Variants in ASTN2 observed in about 807,000 individuals in gnomAD.
The protein encoded by ASTN2 is astrotactin 2.
In ASTN2, 54 loss-of-function variants were observed where a neutral mutation model predicts 139.8. The ratio of observed to expected loss-of-function variants is 0.39; its 90% confidence interval spans 0.31 to 0.48. The LOEUF (loss-of-function observed/expected upper bound fraction) is 0.48. Ranked by LOEUF, ASTN2 falls within the 20% of genes least tolerant of loss-of-function variation. The probability of loss-of-function intolerance (pLI) is 0.95; values close to 1 mark genes in which losing one functional copy is unlikely to be tolerated. For synonymous variants in ASTN2, 756 were observed against 719.5 expected, an observed-to-expected ratio of 1.05 and a Z score of -0.81; for missense variants, 1,565 against 1,725.1, an observed-to-expected ratio of 0.91 and a Z score of 1.64.
Position 116,699,268 on chromosome 9 carries a change from G to C in ASTN2, c.2806+26503C>G, listed in dbSNP as rs1431275077. The C allele has an allele frequency of 6.2e-7, 1 of 1,614,212 alleles. No homozygotes were observed. The highest frequency in any genetic ancestry group is 8.5e-7 in the Non-Finnish European group (1 of 1,180,052). On this transcript the variant is annotated intron_variant, in intron 16 of 22. Transcript: ENST00000313400. This position sits in a 1 kb window ranked among gnomAD's most constrained non-coding sequence, Gnocchi z 4.2. The stretch of plus-strand genomic sequence containing the variant: ...GGATCAGGGGTGGTCAAATACAGCT[G>C]CCTATGTAGTGCTGTGCGGCCCAAA...
chr9:116,443,105 A>T (rs914524124), intron 20 of ASTN2, among the ~76,000 whole-genome samples: 18 of 152,252 alleles, frequency 1.2e-4, no homozygotes, highest in Non-Finnish European at 2.4e-4. Flanking sequence ...ATACCAGAAT[A>T]ATGCAAAAAA....
chr9:117,166,324 C>T (rs1830669768), intron 3 of ASTN2, among the ~76,000 whole-genome samples: 1 of 152,094 alleles, frequency 6.6e-6, no homozygotes, highest in African/African-American at 2.4e-5. Flanking sequence ...TCTCTCTCCT[C>T]TTCAGTCTCA....
At chr9:116,938,953 G>C (rs1178016219) in intron 10 of ASTN2, among the ~76,000 whole-genome samples, 1 of 152,142 alleles carries the variant, frequency 6.6e-6, no homozygotes, top group Non-Finnish European at 1.5e-5. Flanking sequence ...GTTAAGATTT[G>C]AAAGGACAAG....
intron 3 of ASTN2, among the ~76,000 whole-genome samples, chr9:117,195,026 T>C (rs906081678): frequency 6.6e-6 from 1 of 152,186 alleles, no homozygotes; most frequent in African/African-American, 2.4e-5. Flanking sequence ...TATTAACACC[T>C]GCTATGTGCC....
chr9:117,177,225 G>T (rs764830004), intron 3 of ASTN2, among the ~76,000 whole-genome samples: 1 of 152,070 alleles, frequency 6.6e-6, no homozygotes, highest in East Asian at 1.9e-4. Flanking sequence ...ACCTGTATAG[G>T]CCAAGGAGTG....
At chr9:116,746,679 C>T (rs1424239715) in intron 13 of ASTN2, among the ~76,000 whole-genome samples, 1 of 152,028 alleles carries the variant, frequency 6.6e-6, no homozygotes, top group Non-Finnish European at 1.5e-5. Context: ...TTCTTTTTCC[C>T]TAGGAGGACT....
At chr9:117,170,733 A>ATC (rs1298810845) in intron 3 of ASTN2, among the ~76,000 whole-genome samples, 6 of 152,082 alleles carry the variant, frequency 3.9e-5, no homozygotes, top group African/African-American at 1.4e-4. Context: ...AGCAGATGAA[A>ATC]CACCTTGAGG....
At chr9:117,381,515 A>G (rs1830270302) in intron 1 of ASTN2, among the ~76,000 whole-genome samples, 2 of 152,038 alleles carry the variant, frequency 1.3e-5, no homozygotes, top group Admixed American at 6.6e-5. Context: ...GTGAGATATG[A>G]TCACTTAAAA....
chr9:117,291,819 A>G (rs1020381723), intron 1 of ASTN2, among the ~76,000 whole-genome samples: 2 of 152,200 alleles, frequency 1.3e-5, no homozygotes, highest in Non-Finnish European at 2.9e-5. Context: ...GAATGAAACT[A>G]AGGATAAAAG....
chr9:116,790,745 G>A (rs1382278732), intron 13 of ASTN2, among the ~76,000 whole-genome samples: 7 of 147,618 alleles, frequency 4.7e-5, no homozygotes, highest in South Asian at 2.2e-4. Context: ...GTGTGATCTC[G>A]GCTCACTGCA....
chr9:116,476,679 GA>G (rs2119036414), intron 20 of ASTN2, among the ~76,000 whole-genome samples: 1 of 152,294 alleles, frequency 6.6e-6, no homozygotes, highest in South Asian at 2.1e-4. Context: ...AGTAAGTTAT[GA>G]AAAATCTGTT....
intron 1 of ASTN2, among the ~76,000 whole-genome samples, chr9:117,340,206 C>T (rs1474273279): frequency 6.6e-6 from 1 of 151,716 alleles, no homozygotes; most frequent in Non-Finnish European, 1.5e-5. Flanking sequence ...GTGGCATGCA[C>T]CTATAATCCC....
chr9:117,042,170 G>A (rs1220679168), intron 5 of ASTN2, among the ~76,000 whole-genome samples: 1 of 152,088 alleles, frequency 6.6e-6, no homozygotes, highest in Non-Finnish European at 1.5e-5. Flanking sequence ...ATCCAACACT[G>A]GCCATACAAC....
chr9:117,407,520 C>T (rs1175947630), intron 1 of ASTN2, among the ~76,000 whole-genome samples: 1 of 152,190 alleles, frequency 6.6e-6, no homozygotes, highest in Non-Finnish European at 1.5e-5. Flanking sequence ...TTGTAACCTA[C>T]AACATGCTTG....
intron 11 of ASTN2, among the ~76,000 whole-genome samples, chr9:116,863,190 T>C (rs1460507128): frequency 6.6e-6 from 1 of 152,110 alleles, no homozygotes; most frequent in Non-Finnish European, 1.5e-5. Context: ...AAACTTTCTC[T>C]TCCGGACCAC....
rs111673825 is a variant in ASTN2, at chr9:116,713,530, G to A, written c.2806+12241C>T. 4.9e-3 allele frequency among the ~76,000 whole-genome samples: 749 copies of A among 152,200 alleles called. 5 individuals are homozygous for A. Among genetic ancestry groups the A allele is most frequent in the African/African-American group, 0.017 (721 of 41,530 alleles). On this transcript the variant is annotated intron_variant, in intron 16 of 22. Coordinates refer to ENST00000313400, the MANE Select transcript of ASTN2 (RefSeq NM_001365068.1). ...GCATCATGCAGGCTTACATCCTGCCGATCAATCTCCCTCTTTTTTCGCTCT... is the reference window on the plus strand; with the variant it reads ...GCATCATGCAGGCTTACATCCTGCCAATCAATCTCCCTCTTTTTTCGCTCT...
intron 11 of ASTN2, among the ~76,000 whole-genome samples, chr9:116,851,697 T>C (rs563060630): frequency 4.1e-4 from 63 of 152,288 alleles, no homozygotes; most frequent in South Asian, 6.2e-4. Context: ...TTTAGTTGAA[T>C]TGCTTCATTA....
intron 1 of ASTN2, among the ~76,000 whole-genome samples, chr9:117,379,337 C>T (rs16905570): frequency 0.071 from 10,764 of 152,064 alleles, 680 homozygotes; most frequent in East Asian, 0.19. Flanking sequence ...GTGTTCATTT[C>T]GGCTGGTGAG....
At chr9:116,445,016 T>C (rs1378554594) in intron 20 of ASTN2, among the ~76,000 whole-genome samples, 1 of 152,198 alleles carries the variant, frequency 6.6e-6, no homozygotes, top group African/African-American at 2.4e-5. Context: ...CATCCACATA[T>C]GGACCCATCT....
Sources: allele counts gnomAD v4.1 joint callset (sites outside exome capture counted in the v4.1 genomes callset), GRCh38; gene constraint gnomAD v4.1.1; non-coding constraint Gnocchi (gnomAD v3.1); transcripts MANE v1.5; gene names NCBI Gene and HGNC (gene_info 2026-07-23, HGNC 2026-07-21).